KCNQ4: variants seen among roughly 807,000 people sequenced by gnomAD.
The protein encoded by KCNQ4 is potassium voltage-gated channel subfamily Q member 4, also known as potassium voltage-gated channel subfamily KQT member 4.
KCNQ4 carries 31 observed loss-of-function variants against 72.6 expected under a neutral mutation model. That is an observed-to-expected ratio of 0.43 (90% CI 0.32 to 0.58). KCNQ4 has a LOEUF of 0.58. Among genes scored for constraint, KCNQ4 ranks in the 20% least tolerant of loss-of-function variants. The pLI, the probability that KCNQ4 is intolerant of heterozygous loss-of-function variation, is 0.08. For synonymous variants in KCNQ4, 405 were observed against 403.7 expected, an observed-to-expected ratio of 1.00 and a Z score of -0.04; for missense variants, 869 against 962.6, an observed-to-expected ratio of 0.90 and a Z score of 1.29.
rs978378861 is a variant in KCNQ4, at chr1:40,817,332, G to A, written c.382G>A (p.Ala128Thr). ...LSTIQEHQEL[A>T]NECLLILEFV... ...CACTATCCAGGAGCACCAGGAACTT[G>A]CCAACGAGTGTCTCCTCATCTTGGT... The change falls in exon 2 of 14, where the codon GCC becomes ACC. Residue 128 changes from alanine to threonine, a missense_variant. Physicochemically the swap from Ala to Thr is moderately conservative, Grantham distance 58 (BLOSUM62 0). Around this residue, in one of 5 missense-constraint regions of KCNQ4, gnomAD observed 179 missense variants for 243.0 expected, o/e 0.74. Transcript: ENST00000347132. This position sits in a 1 kb window ranked among gnomAD's most constrained non-coding sequence, Gnocchi z 5.5. 2.5e-6 allele frequency: 4 copies of A among 1,613,944 alleles called. No individual in the cohort carries two copies. The Admixed American group carries it at 6.7e-5, about 27-fold the overall frequency.
chr1:40,834,582 TA>T (rs1356379937), intron 11 of KCNQ4, among the ~76,000 whole-genome samples: 1 of 149,344 alleles, frequency 6.7e-6, no homozygotes, highest in Non-Finnish European at 1.5e-5. Context: ...CCCATCTCTT[TA>T]AAAAATAAAA....
Position 40,838,647 on chromosome 1 carries a change from G to T in KCNQ4, c.*124G>T. The T allele has an allele frequency of 1.1e-6, 1 of 899,190 alleles. No individual in the cohort carries two copies. Among genetic ancestry groups the T allele is most frequent in the Non-Finnish European group, 1.8e-6 (1 of 556,784 alleles). The allele number at this position is 899,190 out of a possible 1,614,324, so 55.7% of individuals were successfully genotyped here. ...TCCCTCACGGGGAGAGAGACCACAC[G>T]CAGTATTGAGCTGCCTGAGTGGGCG... On this transcript the variant is annotated 3_prime_UTR_variant, in exon 14 of 14. Transcript: ENST00000347132.
At chr1:40,812,454 C>A (rs2148313161) in intron 1 of KCNQ4, among the ~76,000 whole-genome samples, 1 of 152,178 alleles carries the variant, frequency 6.6e-6, no homozygotes, top group South Asian at 2.1e-4. Flanking sequence ...GTAGAGACAG[C>A]ATCTCACAAT....
At chr1:40,802,503 C>A (rs1647612395) in intron 1 of KCNQ4, among the ~76,000 whole-genome samples, 1 of 152,044 alleles carries the variant, frequency 6.6e-6, no homozygotes, top group Non-Finnish European at 1.5e-5. Flanking sequence ...CTCCCAGGGA[C>A]GCAAGAGCCC....
rs781081834 is a variant in KCNQ4 at position 40,784,274 on chromosome 1, CCGGGCTCCGGCT to C, written c.191_202del (p.Gly64_Ser67del). The C allele has an allele frequency of 6.5e-7, 1 of 1,528,186 alleles. No individual in the cohort carries two copies. Among genetic ancestry groups the C allele is most frequent in the African/African-American group, 1.4e-5 (1 of 69,938 alleles). The allele number at this position is 1,528,186 out of a possible 1,614,324, so 94.7% of individuals were successfully genotyped here. Reference sequence around the variant, plus strand: ...GCCGCCGGGCGCGCCCCTCCCTGGGCCGGGCTCCGGCTCGGGCTCCGCCTGCGGCCAGCGCTC... The same window carrying C: ...GCCGCCGGGCGCGCCCCTCCCTGGGCCGGGCTCCGCCTGCGGCCAGCGCTC... On this transcript the variant is annotated inframe_deletion, in exon 1 of 14. Transcript: ENST00000347132. The surrounding 1 kb of genome is among the most constrained non-coding windows in gnomAD (Gnocchi z 4.1).
At chr1:40,795,039 C>T (rs1313781900) in intron 1 of KCNQ4, among the ~76,000 whole-genome samples, 3 of 152,062 alleles carry the variant, frequency 2.0e-5, no homozygotes, top group East Asian at 1.9e-4. Context: ...AGCACTGGAC[C>T]GGGAGGCAGC....
chr1:40,820,016 AG>A (rs1648239654), intron 6 of KCNQ4, 31 bp downstream of exon 6: 1 of 1,589,892 alleles, frequency 6.3e-7, no homozygotes, highest in African/African-American at 1.3e-5. Flanking sequence ...TTGGTGGGGG[AG>A]GCTGAGGGTG....
chr1:40,824,151 G>A lies in KCNQ4; in HGVS notation c.1185G>A (p.Arg395=). Residue 395 remains arginine, a synonymous_variant, in exon 9 of 14, where the codon CGG becomes CGA. Coordinates refer to ENST00000347132, the MANE Select transcript of KCNQ4 (RefSeq NM_004700.4). ...AACGGGCCCGCAATGGGGGCCTACG[G>A]CCCCTGGAGGTGCGGCGGGCGCCGG... is the stretch of plus-strand genomic sequence containing the variant. The part of the protein sequence containing the change: ...HVQRARNGGL[R]PLEVRRAPVP... 6.4e-7 allele frequency: 1 copy of A among 1,567,602 alleles called. No individual in the cohort carries two copies. The highest frequency in any genetic ancestry group is 8.6e-7 in the Non-Finnish European group (1 of 1,156,932).
chr1:40,820,583 C>G (rs1431074795), intron 7 of KCNQ4, among the ~76,000 whole-genome samples: 1 of 152,248 alleles, frequency 6.6e-6, no homozygotes, highest in African/African-American at 2.4e-5. Flanking sequence ...GGTGGAGACC[C>G]ACTGCTGCCC....
chr1:40,838,199 G>A, intron 13 of KCNQ4, 112 bp from the exon 14 acceptor site: 1 of 924,232 alleles, frequency 1.1e-6, no homozygotes, highest in Non-Finnish European at 1.7e-6. Flanking sequence ...GTGCTTCCCA[G>A]ATAAGCCCCG....
chr1:40,815,622 T>C (rs1648063208), intron 1 of KCNQ4, among the ~76,000 whole-genome samples: 1 of 152,132 alleles, frequency 6.6e-6, no homozygotes, highest in Non-Finnish European at 1.5e-5. Context: ...AGGAATAAGC[T>C]CTTCTCGAAC....
chr1:40,791,408 G>A (rs1647281612), intron 1 of KCNQ4, among the ~76,000 whole-genome samples: 1 of 152,152 alleles, frequency 6.6e-6, no homozygotes, highest in Admixed American at 6.5e-5. Context: ...GGGGCTGCCT[G>A]CCCCCAGTGG....
intron 1 of KCNQ4, among the ~76,000 whole-genome samples, chr1:40,797,636 G>A (rs1034065553): frequency 3.3e-5 from 5 of 152,136 alleles, no homozygotes; most frequent in Non-Finnish European, 7.4e-5. Flanking sequence ...TGCTGGAGGG[G>A]TAAGGACTCT....
chr1:40,792,977 C>T (rs1395074607), intron 1 of KCNQ4, among the ~76,000 whole-genome samples: 4 of 150,712 alleles, frequency 2.7e-5, no homozygotes, highest in African/African-American at 9.8e-5. Flanking sequence ...CCCCTGTGGG[C>T]CCTTCTTTCT....
At chr1:40,806,885 G>A (rs1647780241) in intron 1 of KCNQ4, among the ~76,000 whole-genome samples, 1 of 152,176 alleles carries the variant, frequency 6.6e-6, no homozygotes. Context: ...CAACCTATGG[G>A]TGGGCCCTTC....
Position 40,784,211 on chromosome 1 carries a change from G to A in KCNQ4, c.118G>A (p.Gly40Ser), listed in dbSNP as rs1293159738. Residue 40 changes from glycine (G) to serine (S), a missense_variant, in exon 1 of 14, where the codon GGC (glycine) becomes AGC (serine). This residue lies in a region of KCNQ4 where 178 missense variants were observed against 145.3 expected (regional missense o/e 1.22). Coordinates refer to ENST00000347132, the MANE Select transcript of KCNQ4 (RefSeq NM_004700.4). This position sits in a 1 kb window ranked among gnomAD's most constrained non-coding sequence, Gnocchi z 4.1. ...CGAACAGGGCGAGGCGGGCGGGGGC[G>A]GCTCCCCGCGCCGCCTCGGCCTCCT... ...QSEQGEAGGGGSPRRLGLLGS... is the reference protein window; with the variant it reads ...QSEQGEAGGGSSPRRLGLLGS... 17 of 1,151,430 alleles carry A rather than the reference G, an allele frequency of 1.5e-5. No homozygotes were observed. Among genetic ancestry groups the A allele is most frequent in the Non-Finnish European group, 1.6e-5 (15 of 941,504 alleles). The allele number at this position is 1,151,430 out of a possible 1,614,324, so 71.3% of individuals were successfully genotyped here. A position where few individuals can be genotyped will look rare whatever the true frequency, so the allele number is the denominator to read the frequency against.
At chr1:40,830,629 G>T (rs754499783) in intron 9 of KCNQ4, among the ~76,000 whole-genome samples, 1 of 152,094 alleles carries the variant, frequency 6.6e-6, no homozygotes, top group Non-Finnish European at 1.5e-5. Flanking sequence ...CCTGTGTACA[G>T]TGAGGACTGG....
At chr1:40,790,731 T>C (rs1647264919) in intron 1 of KCNQ4, among the ~76,000 whole-genome samples, 2 of 152,198 alleles carry the variant, frequency 1.3e-5, no homozygotes, top group Non-Finnish European at 2.9e-5. Flanking sequence ...ATCAGCTCCA[T>C]ACCAGGACCA....
At chr1:40,833,976 T>C (rs1648736187) in intron 11 of KCNQ4, among the ~76,000 whole-genome samples, 1 of 152,018 alleles carries the variant, frequency 6.6e-6, no homozygotes, top group Non-Finnish European at 1.5e-5. Context: ...GCTACTGCAC[T>C]CCAGCCTGGG....
Sources: allele counts gnomAD v4.1 joint callset (sites outside exome capture counted in the v4.1 genomes callset), GRCh38; gene constraint gnomAD v4.1.1; regional missense constraint gnomAD v4.1.1; non-coding constraint Gnocchi (gnomAD v3.1); transcripts MANE v1.5; gene names NCBI Gene and HGNC (gene_info 2026-07-23, HGNC 2026-07-21).